PRKG1: variants seen among roughly 807,000 people sequenced by gnomAD.
PRKG1 encodes the protein protein kinase cGMP-dependent 1, also known as cGMP-dependent protein kinase 1.
A neutral mutation model predicts 88.1 loss-of-function variants in PRKG1; 35 were observed. That is an observed-to-expected ratio of 0.40 (90% CI 0.30 to 0.53). PRKG1 has a LOEUF of 0.53. Ranked by LOEUF, PRKG1 falls within the 20% of genes least tolerant of loss-of-function variation. The pLI is 0.59. For missense variants in PRKG1, 540 were observed against 839.8 expected (o/e 0.64, Z 4.41); for synonymous variants, 303 against 292.5 (o/e 1.04, Z -0.37).
chr10:51,582,535 A>T, intron 3 of PRKG1, among the ~76,000 whole-genome samples: 1 of 151,252 alleles, frequency 6.6e-6, no homozygotes, highest in Non-Finnish European at 1.5e-5. Flanking sequence ...GCTCCCAGTT[A>T]TAAGTGAGAA....
intron 2 of PRKG1, among the ~76,000 whole-genome samples, chr10:51,291,782 T>C (rs774230503): frequency 6.6e-6 from 1 of 152,202 alleles, no homozygotes; most frequent in Non-Finnish European, 1.5e-5. Flanking sequence ...ACCTTAAAAA[T>C]GTTCAGATGT....
intron 3 of PRKG1, among the ~76,000 whole-genome samples, chr10:51,468,925 C>A (rs1839977278): frequency 6.6e-6 from 1 of 151,770 alleles, no homozygotes; most frequent in African/African-American, 2.4e-5. Flanking sequence ...TTAGTGAAAT[C>A]ACCTTTTTAT....
intron 9 of PRKG1, among the ~76,000 whole-genome samples, chr10:52,200,597 C>T: frequency 6.6e-6 from 1 of 152,058 alleles, no homozygotes. Context: ...CTGGGTTGAA[C>T]AGTAGTTCTG....
In PRKG1 at chr10:50,991,190, G is replaced by GTC; in HGVS notation, c.-189_-188insTC. ...CCCCTCGGTGCTTTTAGTCCATTCAGCAGAAGCGGATCGAAGCAGGAGGCT... is the reference window on the plus strand; with the variant it reads ...CCCCTCGGTGCTTTTAGTCCATTCAGTCCAGAAGCGGATCGAAGCAGGAGGCT... On this transcript the variant is annotated 5_prime_UTR_variant, in exon 1 of 18. Transcript: ENST00000401604. This position sits in a 1 kb window ranked among gnomAD's most constrained non-coding sequence, Gnocchi z 4.5. 1.3e-6 allele frequency: 1 copy of GTC among 764,548 alleles called. No individual in the cohort carries two copies. The highest frequency in any genetic ancestry group is 2.0e-6 in the Non-Finnish European group (1 of 505,068). 47.4% of individuals were successfully genotyped at this position (764,548 alleles called of 1,614,324 possible).
intron 9 of PRKG1, among the ~76,000 whole-genome samples, chr10:52,243,803 G>A (rs1840929223): frequency 6.6e-6 from 1 of 152,096 alleles, no homozygotes; most frequent in Non-Finnish European, 1.5e-5. Flanking sequence ...CAGAATATTT[G>A]CATTACTATC....
At chr10:51,179,441 C>T (rs749225391) in intron 2 of PRKG1, among the ~76,000 whole-genome samples, 22 of 152,266 alleles carry the variant, frequency 1.4e-4, no homozygotes, top group Admixed American at 9.8e-4. Context: ...CGGCTTTATC[C>T]GTACATATTC....
chr10:51,518,176 T>A (rs1461293744), intron 3 of PRKG1, among the ~76,000 whole-genome samples: 1 of 152,074 alleles, frequency 6.6e-6, no homozygotes. Context: ...TTTTGTATTT[T>A]TTGTAGAGAT....
intron 3 of PRKG1, among the ~76,000 whole-genome samples, chr10:51,782,328 C>T (rs1838613639): frequency 2.0e-5 from 3 of 152,100 alleles, no homozygotes; most frequent in African/African-American, 7.2e-5. Context: ...CCAAGGAGAT[C>T]TGTACACAAT....
chr10:51,902,247 C>A (rs73333494), intron 4 of PRKG1, among the ~76,000 whole-genome samples: 3,523 of 152,042 alleles, frequency 0.023, 144 homozygotes, highest in African/African-American at 0.081. Context: ...TTCCCAAACA[C>A]CTGGGATTAC....
intron 3 of PRKG1, among the ~76,000 whole-genome samples, chr10:51,511,679 C>T (rs10823113): frequency 0.28 from 42,733 of 151,856 alleles, 6,974 homozygotes; most frequent in East Asian, 0.79. Flanking sequence ...AAGACTGGCT[C>T]TACCAACTGC....
chr10:51,212,554 T>C (rs1838251947), intron 2 of PRKG1, among the ~76,000 whole-genome samples: 1 of 152,146 alleles, frequency 6.6e-6, no homozygotes, highest in East Asian at 1.9e-4. Flanking sequence ...AGAAAATTTT[T>C]GCAACCTACT....
At chr10:51,661,177 A>G (rs534862075) in intron 3 of PRKG1, among the ~76,000 whole-genome samples, 1 of 152,242 alleles carries the variant, frequency 6.6e-6, no homozygotes, top group South Asian at 2.1e-4. Context: ...CTGGAACATA[A>G]TTGGCACTCA....
intron 3 of PRKG1, among the ~76,000 whole-genome samples, chr10:51,669,864 A>G (rs1175592304): frequency 1.3e-5 from 2 of 152,216 alleles, no homozygotes; most frequent in African/African-American, 4.8e-5. Flanking sequence ...TCTGGTCAGT[A>G]TTGTACATAT....
At chr10:51,556,312 A>G (rs185439559) in intron 3 of PRKG1, among the ~76,000 whole-genome samples, 1 of 152,210 alleles carries the variant, frequency 6.6e-6, no homozygotes, top group East Asian at 1.9e-4. Context: ...TATTGTATAT[A>G]CTATATGATA....
intron 7 of PRKG1, among the ~76,000 whole-genome samples, chr10:52,106,243 T>G (rs1239287968): frequency 6.6e-6 from 1 of 152,210 alleles, no homozygotes; most frequent in Non-Finnish European, 1.5e-5. Context: ...TTGGAGATGT[T>G]GGAAAACAAA....
At chr10:51,759,524 T>C (rs144142454) in intron 3 of PRKG1, among the ~76,000 whole-genome samples, 1 of 152,294 alleles carries the variant, frequency 6.6e-6, no homozygotes, top group African/African-American at 2.4e-5. Context: ...TCCACCTGCC[T>C]CAGCCTCTCA....
At chr10:51,335,114 G>A (rs1841842662) in intron 2 of PRKG1, among the ~76,000 whole-genome samples, 2 of 141,362 alleles carry the variant, frequency 1.4e-5, no homozygotes, top group Admixed American at 1.5e-4. Flanking sequence ...CCAGGTTCAC[G>A]CCATTCTCCT....
chr10:51,661,807 T>A (rs893012706), intron 3 of PRKG1, among the ~76,000 whole-genome samples: 18 of 152,144 alleles, frequency 1.2e-4, no homozygotes, highest in African/African-American at 4.3e-4. Context: ...CTATTCACAA[T>A]AGCAGAGACT....
chr10:52,050,694 C>T (rs977394696), intron 5 of PRKG1, among the ~76,000 whole-genome samples: 15 of 152,066 alleles, frequency 9.9e-5, no homozygotes, highest in Non-Finnish European at 8.8e-5. Context: ...GACATATGTT[C>T]GTTCAGTGAA....
Sources: allele counts gnomAD v4.1 joint callset (sites outside exome capture counted in the v4.1 genomes callset), GRCh38; gene constraint gnomAD v4.1.1; non-coding constraint Gnocchi (gnomAD v3.1); transcripts MANE v1.5; gene names NCBI Gene and HGNC (gene_info 2026-07-23, HGNC 2026-07-21).